Variants in NTRK2 observed in about 807,000 individuals in gnomAD.
NTRK2 encodes the protein BDNF/NT-3 growth factors receptor.
In NTRK2, 13 loss-of-function variants were observed where a neutral mutation model predicts 94.5. The ratio of observed to expected loss-of-function variants is 0.14; its 90% CI spans 0.09 to 0.22. The LOEUF (loss-of-function observed/expected upper bound fraction) is 0.22, where lower values mean the gene tolerates loss of function less well. Ranked by LOEUF, NTRK2 falls within the 10% of genes least tolerant of loss-of-function variation. The pLI is 1.00. For synonymous variants in NTRK2, 372 were observed against 407.4 expected (o/e 0.91, Z 1.05); for missense variants, 639 against 1,071.2 (o/e 0.60, Z 5.63).
At chr9:84,694,490 T>C (rs1328164069) in intron 2 of NTRK2, among the ~76,000 whole-genome samples, 1 of 152,340 alleles carries the variant, frequency 6.6e-6, no homozygotes, top group Non-Finnish European at 1.5e-5. Context: ...GTCCTCACAG[T>C]TGGGGTGCAT....
chr9:84,782,093 C>A (rs13292400), intron 12 of NTRK2, among the ~76,000 whole-genome samples: 12,751 of 151,640 alleles, frequency 0.084, 951 homozygotes, highest in African/African-American at 0.19. Context: ...CAAACAAACA[C>A]GTCAGTGGGT....
At chr9:84,961,294 A>G (rs1234090659) in intron 17 of NTRK2, among the ~76,000 whole-genome samples, 1 of 152,232 alleles carries the variant, frequency 6.6e-6, no homozygotes, top group African/African-American at 2.4e-5. Flanking sequence ...TACTTAGACA[A>G]TAATTCTTAG....
At chr9:84,683,406 G>C (rs879810532) in intron 2 of NTRK2, among the ~76,000 whole-genome samples, 2 of 152,024 alleles carry the variant, frequency 1.3e-5, no homozygotes, top group Non-Finnish European at 2.9e-5. Flanking sequence ...TGTTCTCACT[G>C]TTTAACTCTC....
intron 12 of NTRK2, among the ~76,000 whole-genome samples, chr9:84,858,669 T>TG (rs1476291230): frequency 6.6e-6 from 1 of 152,202 alleles, no homozygotes; most frequent in African/African-American, 2.4e-5. Context: ...ACTTCTTGGA[T>TG]GGCTCATCCT....
intron 17 of NTRK2, among the ~76,000 whole-genome samples, chr9:84,998,799 A>G (rs1830040767): frequency 6.6e-6 from 1 of 152,204 alleles, no homozygotes; most frequent in South Asian, 2.1e-4. Context: ...TTGATACTGG[A>G]AGGACCTCAT....
intron 12 of NTRK2, chr9:84,812,019 A>G (rs544067704): frequency 9.4e-7 from 1 of 1,060,538 alleles, no homozygotes; most frequent in East Asian, 5.1e-5. Context: ...ATGCACACAG[A>G]CGCCATAGCT....
chr9:84,696,193 A>G (rs886496452), intron 2 of NTRK2, among the ~76,000 whole-genome samples: 31 of 152,194 alleles, frequency 2.0e-4, no homozygotes, highest in African/African-American at 7.0e-4. Context: ...AATTTTGTGT[A>G]GACAGGGTAT....
At chr9:84,694,116 G>C (rs1022522175) in intron 2 of NTRK2, among the ~76,000 whole-genome samples, 1 of 152,208 alleles carries the variant, frequency 6.6e-6, no homozygotes, top group Non-Finnish European at 1.5e-5. Flanking sequence ...CAGTCCTAGA[G>C]CGTGGTACAG....
chr9:84,867,951 CAA>C (rs1359634413), intron 14 of NTRK2, among the ~76,000 whole-genome samples: 2 of 152,106 alleles, frequency 1.3e-5, no homozygotes, highest in Non-Finnish European at 2.9e-5. Flanking sequence ...GCCACAATAG[CAA>C]AGAGACATGG....
chr9:84,878,356 C>A (rs2076148281), intron 14 of NTRK2, among the ~76,000 whole-genome samples: 1 of 152,122 alleles, frequency 6.6e-6, no homozygotes, highest in Admixed American at 6.5e-5. Flanking sequence ...ATATTTTTGG[C>A]TGGGCATGGT....
intron 17 of NTRK2, among the ~76,000 whole-genome samples, chr9:84,982,960 T>C (rs1827842195): frequency 6.6e-6 from 1 of 152,118 alleles, no homozygotes; most frequent in African/African-American, 2.4e-5. Context: ...ATTTTTTTTT[T>C]CTCCTGCCTA....
chr9:84,770,800 C>A (rs2066472055), intron 12 of NTRK2, among the ~76,000 whole-genome samples: 1 of 152,044 alleles, frequency 6.6e-6, no homozygotes, highest in African/African-American at 2.4e-5. Flanking sequence ...TAATTGAAGT[C>A]CAGAGAAATT....
At chr9:84,767,426 G>A (rs1035669262) in intron 12 of NTRK2, among the ~76,000 whole-genome samples, 1 of 152,206 alleles carries the variant, frequency 6.6e-6, no homozygotes, top group Admixed American at 6.5e-5. Context: ...CCATGTATTT[G>A]CAGAGAGAAA....
Position 84,940,509 on chromosome 9 carries a change from A to G in NTRK2, c.1764+6217A>G, listed in dbSNP as rs75121827. Among the ~76,000 whole-genome samples the G allele has an allele frequency of 5.7e-4, 87 of 152,292 alleles. 1 individual carries two copies. The East Asian group carries it at 0.01, about 18-fold the overall frequency. Reference sequence around the variant, plus strand: ...CCATGACTCACTTGCTGATTCCCCAAGAGGGAAAATACTATGGTCCAGTTC... The same window carrying G: ...CCATGACTCACTTGCTGATTCCCCAGGAGGGAAAATACTATGGTCCAGTTC... On this transcript the variant is annotated intron_variant, in intron 15 of 18. Coordinates refer to ENST00000277120, the MANE Select transcript of NTRK2 (RefSeq NM_006180.6).
At chr9:84,967,799 G>A (rs1015037900) in intron 17 of NTRK2, among the ~76,000 whole-genome samples, 12 of 152,248 alleles carry the variant, frequency 7.9e-5, no homozygotes, top group African/African-American at 2.9e-4. Context: ...TTTTGGAAAG[G>A]TATGGAGAGA....
intron 17 of NTRK2, among the ~76,000 whole-genome samples, chr9:84,964,516 T>C (rs1825331121): frequency 6.6e-6 from 1 of 152,178 alleles, no homozygotes; most frequent in African/African-American, 2.4e-5. Context: ...CTCAGCTCGG[T>C]ATTCAACGGG....
At chr9:84,939,351 C>G (rs1010937531) in intron 15 of NTRK2, among the ~76,000 whole-genome samples, 2 of 152,092 alleles carry the variant, frequency 1.3e-5, no homozygotes, top group Non-Finnish European at 2.9e-5. Context: ...GGTCACCTAG[C>G]CTAAAAGAGA....
intron 6 of NTRK2, among the ~76,000 whole-genome samples, chr9:84,712,352 C>T (rs1322893365): frequency 1.3e-5 from 2 of 151,856 alleles, no homozygotes; most frequent in African/African-American, 4.8e-5. Flanking sequence ...TGAACTGGTC[C>T]TCATTTTTCC....
At chr9:84,851,851 T>A (rs1446282285) in intron 12 of NTRK2, among the ~76,000 whole-genome samples, 1 of 152,146 alleles carries the variant, frequency 6.6e-6, no homozygotes, top group Admixed American at 6.5e-5. Flanking sequence ...CTACAACAAA[T>A]GTTGGTCTAG....
Sources: allele counts gnomAD v4.1 joint callset (sites outside exome capture counted in the v4.1 genomes callset), GRCh38; gene constraint gnomAD v4.1.1; transcripts MANE v1.5; gene names NCBI Gene and HGNC (gene_info 2026-07-23, HGNC 2026-07-21).